SLC45A4: variants seen among roughly 807,000 people sequenced by gnomAD.
The protein encoded by SLC45A4 is solute carrier family 45 member 4, also known as polyamine-transporter SLC45A4.
In SLC45A4, 32 loss-of-function variants were observed where a neutral mutation model predicts 63.7. The ratio of observed to expected loss-of-function variants is 0.50; its 90% CI spans 0.38 to 0.67. The LOEUF (loss-of-function observed/expected upper bound fraction) is 0.67. SLC45A4 is among the 30% of genes least tolerant of loss of function. The probability of loss-of-function intolerance (pLI) is 0.00; values close to 1 mark genes in which losing one functional copy is unlikely to be tolerated. For missense variants in SLC45A4, 1,027 were observed against 1,157.7 expected, an observed-to-expected ratio of 0.89 and a Z score of 1.64; for synonymous variants, 535 against 510.0, an observed-to-expected ratio of 1.05 and a Z score of -0.66.
intron 1 of SLC45A4, among the ~76,000 whole-genome samples, chr8:141,267,377 G>A (rs554364271): frequency 2.0e-5 from 3 of 152,264 alleles, no homozygotes; most frequent in Non-Finnish European, 2.9e-5. Flanking sequence ...GCTCACCAGC[G>A]AGCGTACGGC....
At chr8:141,266,180 G>A (rs573529957) in intron 1 of SLC45A4, among the ~76,000 whole-genome samples, 8 of 152,312 alleles carry the variant, frequency 5.3e-5, no homozygotes, top group Non-Finnish European at 1.2e-4. Flanking sequence ...TAGCGAGTCC[G>A]GACAACACGC....
intron 1 of SLC45A4, among the ~76,000 whole-genome samples, chr8:141,261,975 G>C (rs1174450583): frequency 1.3e-5 from 2 of 152,096 alleles, no homozygotes; most frequent in African/African-American, 2.4e-5. Context: ...TATACTACAA[G>C]GCTACAGTAA....
rs1176760436 is a variant in SLC45A4 at position 141,212,381 on chromosome 8, C to A, written c.2117G>T (p.Gly706Val). ...PMVASVGSFL[G>V]FLTATFLVIY... is the part of the protein sequence containing the mutation. Reference sequence around the variant, plus strand: ...CACCAGGAATGTGGCCGTCAGGAAGCCCAGGAAAGAGCCCACAGAGGCCAC... The same window carrying A: ...CACCAGGAATGTGGCCGTCAGGAAGACCAGGAAAGAGCCCACAGAGGCCAC... Residue 706 changes from glycine (G) to valine (V), a missense_variant, in exon 8 of 9, where the codon GGC becomes GTC. Physicochemically the swap from Gly to Val is moderately radical, Grantham distance 109. Coordinates refer to ENST00000517878, the MANE Select transcript of SLC45A4 (RefSeq NM_001286646.2). 3 of 1,613,584 alleles carry A rather than the reference C, an allele frequency of 1.9e-6. No individual in the cohort carries two copies. The highest frequency in any genetic ancestry group is 2.5e-6 in the Non-Finnish European group (3 of 1,180,040).
intron 2 of SLC45A4, among the ~76,000 whole-genome samples, chr8:141,240,643 G>A (rs1296621280): frequency 6.6e-6 from 1 of 152,314 alleles, no homozygotes; most frequent in Non-Finnish European, 1.5e-5. Flanking sequence ...GGAGGTTGAG[G>A]TGAAAGGATC....
Position 141,308,256 on chromosome 8 carries a change from G to C in SLC45A4, c.-561C>G, listed in dbSNP as rs1173053300. 6.8e-6 allele frequency: 1 copy of C among 147,542 alleles called. No homozygotes were observed. Among genetic ancestry groups the C allele is most frequent in the African/African-American group, 2.4e-5 (1 of 40,880 alleles). The allele number at this position is 147,542 out of a possible 1,614,324, so 9.1% of individuals were successfully genotyped here. ...CCGGCCGGCCGGGCGGTCAGTCAGC[G>C]ACGCGGGCGCGGAGAGAGCGCTGCG... On this transcript the variant is annotated 5_prime_UTR_variant, in exon 1 of 9. Transcript: ENST00000517878.
chr8:141,306,994 A>G (rs1214921083), intron 1 of SLC45A4, among the ~76,000 whole-genome samples: 28 of 152,254 alleles, frequency 1.8e-4, no homozygotes, highest in Admixed American at 1.8e-3. Context: ...GATGGGGGTC[A>G]GTGGCTAGGT....
chr8:141,227,886 GCCCACCCAGCCCCT>G lies in SLC45A4; in HGVS notation c.242-6135_242-6122del, dbSNP rs1437586128. ...CCGCCTTCCCACTCCAACACCCACG[GCCCACCCAGCCCCT>G]CCCGGAGTGCCAGCCATGGCTCTCT... On this transcript the variant is annotated intron_variant, in intron 2 of 8. Transcript: ENST00000517878. The surrounding 1 kb of genome is among the most constrained non-coding windows in gnomAD (Gnocchi z 4.4). 1.3e-5 allele frequency among the ~76,000 whole-genome samples: 2 copies of G among 152,182 alleles called. No homozygotes were observed. The highest frequency in any genetic ancestry group is 4.8e-5 in the African/African-American group (2 of 41,458).
At chr8:141,266,322 C>A (rs896135807) in intron 1 of SLC45A4, among the ~76,000 whole-genome samples, 2 of 152,224 alleles carry the variant, frequency 1.3e-5, no homozygotes, top group African/African-American at 4.8e-5. Flanking sequence ...CTGATGAGGG[C>A]CGGCTCATGA....
intron 1 of SLC45A4, among the ~76,000 whole-genome samples, chr8:141,297,648 C>T (rs1563682704): frequency 6.6e-6 from 1 of 152,216 alleles, no homozygotes; most frequent in Non-Finnish European, 1.5e-5. Context: ...CAGGAACCAA[C>T]CCGGGACTGA....
Position 141,218,287 on chromosome 8 carries a change from C to A in SLC45A4, c.1353G>T (p.Pro451=). 3 of 1,605,034 alleles carry A rather than the reference C, an allele frequency of 1.9e-6. No individual in the cohort carries two copies. The highest frequency in any genetic ancestry group is 2.5e-6 in the Non-Finnish European group (3 of 1,179,836). ...CGTACAGGTCGCTCATGCTGCGCGA[C>A]GGCTTGATCAGCACCACGGCGTTGG... The part of the protein sequence containing the change: ...RRANAVVLIK[P]SRSMSDLYDM... Residue 451 remains proline, a synonymous_variant, in exon 5 of 9, where the codon CCG becomes CCT. Coordinates refer to ENST00000517878, the MANE Select transcript of SLC45A4 (RefSeq NM_001286646.2).
intron 1 of SLC45A4, among the ~76,000 whole-genome samples, chr8:141,288,017 A>G (rs1830216442): frequency 6.6e-6 from 1 of 152,040 alleles, no homozygotes; most frequent in South Asian, 2.1e-4. Flanking sequence ...AGCCTATGTC[A>G]TGTCAACAGC....
intron 2 of SLC45A4, among the ~76,000 whole-genome samples, chr8:141,234,016 ACAT>A (rs1220470590): frequency 6.6e-6 from 1 of 152,172 alleles, no homozygotes; most frequent in Non-Finnish European, 1.5e-5. Context: ...AAATCTGTAA[ACAT>A]CATCACCAGG....
intron 1 of SLC45A4, among the ~76,000 whole-genome samples, chr8:141,265,990 T>G (rs979326363): frequency 2.6e-5 from 4 of 152,176 alleles, no homozygotes; most frequent in Non-Finnish European, 4.4e-5. Context: ...AACACATGAC[T>G]TCCTACAATT....
rs540586920 is a variant in SLC45A4, at chr8:141,270,977, A to G, written c.-400-16348T>C. ...GCGAGACAGGGACTCAGAAGGACCT[A>G]TAAATGAGCAAATGAAGCGCCTTGG... On this transcript the variant is annotated intron_variant, in intron 1 of 8. Coordinates refer to ENST00000517878, the MANE Select transcript of SLC45A4 (RefSeq NM_001286646.2). Among the ~76,000 whole-genome samples the G allele has an allele frequency of 3.8e-3, 574 of 152,302 alleles. 8 individuals carry two copies. Among genetic ancestry groups the G allele is most frequent in the African/African-American group, 0.013 (548 of 41,584 alleles).
At chr8:141,293,642 A>G (rs545238917) in intron 1 of SLC45A4, among the ~76,000 whole-genome samples, 1 of 152,248 alleles carries the variant, frequency 6.6e-6, no homozygotes, top group African/African-American at 2.4e-5. Flanking sequence ...CAATCAAAAA[A>G]TGGAAACAGA....
chr8:141,218,682 G>C lies in SLC45A4; in HGVS notation c.958C>G (p.Leu320Val), dbSNP rs1826368168. 1 of 1,612,778 alleles carries C rather than the reference G, an allele frequency of 6.2e-7. No homozygotes were observed. The highest frequency in any genetic ancestry group is 8.5e-7 in the Non-Finnish European group (1 of 1,179,562). ...TGCAGGAACAGCAGCTCGGGCTCCA[G>C]GTCCAGCGCGGTGTCCGGCACGTGC... is the stretch of plus-strand genomic sequence containing the variant. ...ALHVPDTALDLEPELLFLHDI... is the reference protein window; with the variant it reads ...ALHVPDTALDVEPELLFLHDI... The change falls in exon 5 of 9, where the codon CTG becomes GTG. Residue 320 changes from leucine (L) to valine (V), a missense_variant. Transcript: ENST00000517878.
Position 141,254,425 on chromosome 8 carries a change from A to G in SLC45A4, c.-196T>C, listed in dbSNP as rs1273737528. The G allele has an allele frequency of 5.9e-6, 4 of 680,916 alleles. No homozygotes were observed. The highest frequency in any genetic ancestry group is 1.0e-5 in the Non-Finnish European group (4 of 395,992). 42.2% of individuals were successfully genotyped at this position (680,916 alleles called of 1,614,324 possible). A position where few individuals can be genotyped will look rare whatever the true frequency, so the allele number is the denominator to read the frequency against. On this transcript the variant is annotated 5_prime_UTR_variant, in exon 2 of 9. Transcript: ENST00000517878. This position sits in a 1 kb window ranked among gnomAD's most constrained non-coding sequence, Gnocchi z 4.5. ...AACGGTATGAGACATGCAGCAACAC[A>G]GAACGATTTTTGGTTGGATTTTAAA... is the stretch of plus-strand genomic sequence containing the variant.
chr8:141,257,452 T>C (rs1470868458), intron 1 of SLC45A4, among the ~76,000 whole-genome samples: 1 of 152,208 alleles, frequency 6.6e-6, no homozygotes, highest in Non-Finnish European at 1.5e-5. Context: ...CAAAAGCAAT[T>C]AGTTTTCTAA....
intron 2 of SLC45A4, among the ~76,000 whole-genome samples, chr8:141,250,856 C>A (rs193138194): frequency 7.5e-4 from 114 of 152,310 alleles, no homozygotes; most frequent in African/African-American, 2.6e-3. Flanking sequence ...TATCTAAAAT[C>A]TATACAAGTC....
Sources: allele counts gnomAD v4.1 joint callset (sites outside exome capture counted in the v4.1 genomes callset), GRCh38; gene constraint gnomAD v4.1.1; non-coding constraint Gnocchi (gnomAD v3.1); transcripts MANE v1.5; gene names NCBI Gene and HGNC (gene_info 2026-07-23, HGNC 2026-07-21).